SUGCT: variants seen among roughly 807,000 people sequenced by gnomAD.
The protein encoded by SUGCT is succinyl-CoA:glutarate CoA-transferase.
In SUGCT, 41 loss-of-function variants were observed where a neutral mutation model predicts 55.0. The observed-to-expected ratio is 0.74, with a 90% CI of 0.58 to 0.97. The LOEUF is 0.97. SUGCT is among the 50% of genes least tolerant of loss of function. The pLI is 0.00. For missense variants in SUGCT, 568 were observed against 547.8 expected, an observed-to-expected ratio of 1.04 and a Z score of -0.37; for synonymous variants, 187 against 200.4, an observed-to-expected ratio of 0.93 and a Z score of 0.56.
chr7:40,219,121 G>A (rs963410875), intron 6 of SUGCT, among the ~76,000 whole-genome samples: 5 of 152,120 alleles, frequency 3.3e-5, no homozygotes, highest in African/African-American at 1.2e-4. Flanking sequence ...AACTCTGGAC[G>A]CGCCACCTTT....
chr7:40,780,721 G>A (rs972324627), intron 13 of SUGCT, among the ~76,000 whole-genome samples: 2 of 150,650 alleles, frequency 1.3e-5, no homozygotes, highest in Non-Finnish European at 2.9e-5. Context: ...AAATTGGCAG[G>A]ACTTGGAGTT....
At chr7:40,665,727 C>T (rs1035799049) in intron 12 of SUGCT, among the ~76,000 whole-genome samples, 8 of 151,924 alleles carry the variant, frequency 5.3e-5, no homozygotes, top group African/African-American at 9.6e-5. Context: ...GATTGGGGAA[C>T]GGAGGCAGTG....
chr7:41,001,285 G>A, the SUGCT span, among the ~76,000 whole-genome samples: 1 of 152,082 alleles, frequency 6.6e-6, no homozygotes, highest in African/African-American at 2.4e-5. Flanking sequence ...GAAACTCAGA[G>A]AAGGAGTGTC....
At position 40,733,880 on chromosome 7, in the gene SUGCT, T is replaced by C. The variant is rs75120722; in HGVS notation, c.1090-15554T>C. Among the ~76,000 whole-genome samples the C allele has an allele frequency of 9.3e-3, 1,417 of 152,352 alleles. 17 individuals carry two copies. Among genetic ancestry groups the C allele is most frequent in the African/African-American group, 0.032 (1,331 of 41,588 alleles). On this transcript the variant is annotated intron_variant, in intron 12 of 13. Coordinates refer to ENST00000335693, the MANE Select transcript of SUGCT (RefSeq NM_001193313.2). ...TCCTGATGCTGAAAACCTTTCCTGGTTAAACTTCTATCATACTATATCAAG... is the reference window on the plus strand; with the variant it reads ...TCCTGATGCTGAAAACCTTTCCTGGCTAAACTTCTATCATACTATATCAAG...
At chr7:40,666,475 TG>T (rs1397292582) in intron 12 of SUGCT, among the ~76,000 whole-genome samples, 1 of 149,746 alleles carries the variant, frequency 6.7e-6, no homozygotes, top group Non-Finnish European at 1.5e-5. Context: ...AGGGATTTTC[TG>T]CTTCATGTTT....
At chr7:40,807,318 A>G (rs537282071) in intron 13 of SUGCT, among the ~76,000 whole-genome samples, 15 of 152,138 alleles carry the variant, frequency 9.9e-5, no homozygotes, top group Non-Finnish European at 2.1e-4. Context: ...CACCTGTCAA[A>G]CCATCATGCT....
the SUGCT span, among the ~76,000 whole-genome samples, chr7:41,012,847 T>C: frequency 1.3e-5 from 2 of 152,076 alleles, no homozygotes; most frequent in African/African-American, 4.8e-5. Context: ...TTTTTGAATC[T>C]CAGAATCTAT....
chr7:40,301,746 C>A (rs1584623842), intron 8 of SUGCT, among the ~76,000 whole-genome samples: 1 of 152,176 alleles, frequency 6.6e-6, no homozygotes, highest in South Asian at 2.1e-4. Context: ...TCAGATTCAC[C>A]ATTACATTCT....
the SUGCT span, among the ~76,000 whole-genome samples, chr7:40,916,018 T>TTA: frequency 9.3e-6 from 1 of 107,658 alleles, no homozygotes; most frequent in Non-Finnish European, 1.8e-5. Context: ...AGTGAGTATA[T>TTA]TATATATGTC....
intron 13 of SUGCT, among the ~76,000 whole-genome samples, chr7:40,857,484 T>A (rs1794243122): frequency 6.6e-6 from 1 of 152,192 alleles, no homozygotes; most frequent in Non-Finnish European, 1.5e-5. Flanking sequence ...TTCTTGAAGA[T>A]ATTTTATGCA....
intron 8 of SUGCT, among the ~76,000 whole-genome samples, chr7:40,316,421 A>G (rs530040784): frequency 6.6e-6 from 1 of 152,290 alleles, no homozygotes; most frequent in South Asian, 2.1e-4. Flanking sequence ...AAAAAAATGC[A>G]CGAGTTGCTG....
rs561698179 is a variant in SUGCT, at chr7:40,716,736, G to A, written c.1090-32698G>A. Among the ~76,000 whole-genome samples, 231 of 152,086 alleles carry A rather than the reference G, an allele frequency of 1.5e-3. 1 individual carries two copies. Among genetic ancestry groups the A allele is most frequent in the South Asian group, 7.1e-3 (34 of 4,816 alleles). On this transcript the variant is annotated intron_variant, in intron 12 of 13. Transcript: ENST00000335693. ...GGACATGAAGCCAATGAAGAAAGCA[G>A]CTCACTATGTAAATACTAAAACTTC...
chr7:40,510,968 G>T (rs574084100), intron 12 of SUGCT, among the ~76,000 whole-genome samples: 1 of 152,074 alleles, frequency 6.6e-6, no homozygotes, highest in Non-Finnish European at 1.5e-5. Flanking sequence ...GAAAACACAG[G>T]TTTAGGATGG....
At chr7:40,888,090 T>C in the SUGCT span, among the ~76,000 whole-genome samples, 1 of 152,168 alleles carries the variant, frequency 6.6e-6, no homozygotes, top group Non-Finnish European at 1.5e-5. Flanking sequence ...CTATGCTCCA[T>C]AGGCATCCAT....
intron 8 of SUGCT, among the ~76,000 whole-genome samples, chr7:40,307,745 A>G (rs1158877429): frequency 2.5e-4 from 38 of 152,182 alleles, no homozygotes; most frequent in Admixed American, 2.3e-3. Flanking sequence ...TCCTTTTAAC[A>G]TGGCATGGAC....
At chr7:40,362,396 G>A (rs1798199797) in intron 9 of SUGCT, among the ~76,000 whole-genome samples, 1 of 151,958 alleles carries the variant, frequency 6.6e-6, no homozygotes, top group South Asian at 2.1e-4. Flanking sequence ...TCCAGCCTGG[G>A]TGACAGAGCG....
At chr7:40,655,914 T>C (rs1800999242) in intron 12 of SUGCT, among the ~76,000 whole-genome samples, 1 of 152,142 alleles carries the variant, frequency 6.6e-6, no homozygotes, top group Non-Finnish European at 1.5e-5. Flanking sequence ...GAGCTTCCTG[T>C]CTCATTATAT....
At chr7:40,292,878 T>A (rs1227240209) in intron 8 of SUGCT, among the ~76,000 whole-genome samples, 1 of 152,194 alleles carries the variant, frequency 6.6e-6, no homozygotes, top group African/African-American at 2.4e-5. Context: ...TTTAGTTTAT[T>A]CTGATACACA....
intron 9 of SUGCT, among the ~76,000 whole-genome samples, chr7:40,415,093 T>TATC (rs1786914159): frequency 6.9e-6 from 1 of 145,696 alleles, no homozygotes; most frequent in Middle Eastern, 3.2e-3. Flanking sequence ...TCTATCTATC[T>TATC]ATCTATCTAT....
Sources: gnomAD v4.1 joint callset for allele counts (sites outside exome capture counted in the v4.1 genomes callset) on GRCh38, gnomAD v4.1.1 for gene constraint, MANE v1.5 for transcripts, NCBI Gene and HGNC (gene_info 2026-07-23, HGNC 2026-07-21) for gene names.